JAKMIP3: variants seen among roughly 807,000 people sequenced by gnomAD.
JAKMIP3 encodes janus kinase and microtubule-interacting protein 3.
A neutral mutation model predicts 118.5 loss-of-function variants in JAKMIP3; 58 were observed. The ratio of observed to expected loss-of-function variants is 0.49; its 90% CI spans 0.40 to 0.61. JAKMIP3 has a LOEUF of 0.61. JAKMIP3 is among the 20% of genes least tolerant of loss of function. The pLI is 0.00. For synonymous variants in JAKMIP3, 486 were observed against 451.2 expected (o/e 1.08, Z -0.98); for missense variants, 950 against 1,109.0 (o/e 0.86, Z 2.04).
chr10:132,053,008 T>C (rs748978605), intron 1 of JAKMIP3, among the ~76,000 whole-genome samples: 9 of 152,256 alleles, frequency 5.9e-5, no homozygotes, highest in Admixed American at 2.6e-4. Context: ...CTGTTTCTCA[T>C]GTGCCTTGTT....
chr10:132,098,770 G>GA (rs1427693419), intron 1 of JAKMIP3, among the ~76,000 whole-genome samples: 1 of 152,180 alleles, frequency 6.6e-6, no homozygotes, highest in African/African-American at 2.4e-5. Context: ...TTGCAGTGAG[G>GA]AGGGGGCTCT....
chr10:132,115,926 G>A (rs372655628), intron 2 of JAKMIP3, among the ~76,000 whole-genome samples: 3 of 152,228 alleles, frequency 2.0e-5, no homozygotes, highest in African/African-American at 4.8e-5. Context: ...AGCCATAAGC[G>A]GGCATTGGGC....
chr10:132,111,818 A>G (rs2046930358), intron 2 of JAKMIP3, among the ~76,000 whole-genome samples: 1 of 152,048 alleles, frequency 6.6e-6, no homozygotes, highest in African/African-American at 2.4e-5. Context: ...TGTTAAACAT[A>G]CCCTCTGGCT....
At chr10:132,159,544 CT>C (rs2057637350) in intron 19 of JAKMIP3, among the ~76,000 whole-genome samples, 1 of 114,512 alleles carries the variant, frequency 8.7e-6, no homozygotes, top group Non-Finnish European at 1.8e-5. Flanking sequence ...CTGGGAGGGT[CT>C]CTCCCTGTGT....
At chr10:132,109,036 A>G (rs989630276) in intron 2 of JAKMIP3, among the ~76,000 whole-genome samples, 1 of 143,520 alleles carries the variant, frequency 7.0e-6, no homozygotes, top group Non-Finnish European at 1.5e-5. Context: ...TTATATATGT[A>G]TATATATACA....
rs560920626 is a variant in JAKMIP3, at chr10:132,117,851, C to G, written c.633+277C>G. Reference sequence around the variant, plus strand: ...CTCACCTCCCCTTTTCCACAAACACCAGCTCTACTTCCTTTCTTAACTTGG... The same window carrying G: ...CTCACCTCCCCTTTTCCACAAACACGAGCTCTACTTCCTTTCTTAACTTGG... On this transcript the variant is annotated intron_variant, in intron 3 of 23. Coordinates refer to ENST00000684848, the MANE Select transcript of JAKMIP3 (RefSeq NM_001323087.2). The surrounding 1 kb of genome is among the most constrained non-coding windows in gnomAD (Gnocchi z 8.6). 1.1e-4 allele frequency among the ~76,000 whole-genome samples: 17 copies of G among 152,172 alleles called. No homozygotes were observed. The highest frequency in any genetic ancestry group is 1.6e-4 in the Non-Finnish European group (11 of 68,038).
upstream of JAKMIP3, among the ~76,000 whole-genome samples, chr10:132,065,501 C>A (rs555315978): frequency 6.6e-6 from 1 of 152,028 alleles, no homozygotes; most frequent in South Asian, 2.1e-4. The surrounding 1 kb of genome is among the most constrained non-coding windows in gnomAD (Gnocchi z 5.6). Flanking sequence ...GGAGGGAAAG[C>A]CGGCCAGAAC....
Position 132,118,566 on chromosome 10 carries a change from C to T in JAKMIP3, c.633+992C>T, listed in dbSNP as rs1217991242. 6.6e-6 allele frequency among the ~76,000 whole-genome samples: 1 copy of T among 152,200 alleles called. No individual in the cohort carries two copies. Among genetic ancestry groups the T allele is most frequent in the Non-Finnish European group, 1.5e-5 (1 of 68,024 alleles). ...AGGGATGGCCTCCAGGCTGGGCCAG[C>T]ATGTGGAACTCCCAGAGAGGGGCAG... On this transcript the variant is annotated intron_variant, in intron 3 of 23. Coordinates refer to ENST00000684848, the MANE Select transcript of JAKMIP3 (RefSeq NM_001323087.2). This position sits in a 1 kb window ranked among gnomAD's most constrained non-coding sequence, Gnocchi z 4.8.
chr10:132,135,028 A>AT lies in JAKMIP3; in HGVS notation c.850-8dup. 1 of 1,611,700 alleles carries AT rather than the reference A, an allele frequency of 6.2e-7. No homozygotes were observed. Among genetic ancestry groups the AT allele is most frequent in the Non-Finnish European group, 8.5e-7 (1 of 1,177,944 alleles). ...GGGTAGGAACCGTTATTTGCAGTTG[A>AT]TTTTTGTTTTAGGAACAGCAGTTGG... On this transcript the variant is annotated splice_polypyrimidine_tract_variant and intron_variant, in intron 4 of 23. Transcript: ENST00000684848.
chr10:132,105,268 C>G (rs55718811), intron 2 of JAKMIP3, among the ~76,000 whole-genome samples: 33,986 of 152,218 alleles, frequency 0.22, 4,292 homozygotes, highest in African/African-American at 0.35. Context: ...CTGGAAAGGA[C>G]GCTGACTTTC....
At chr10:132,150,769 C>T (rs1051316651) in intron 16 of JAKMIP3, among the ~76,000 whole-genome samples, 1 of 152,094 alleles carries the variant, frequency 6.6e-6, no homozygotes, top group African/African-American at 2.4e-5. Flanking sequence ...CTCCATAATC[C>T]ATGTATCCGT....
At chr10:132,125,369 A>G (rs566773933) in intron 3 of JAKMIP3, among the ~76,000 whole-genome samples, 6 of 152,262 alleles carry the variant, frequency 3.9e-5, no homozygotes, top group Admixed American at 6.5e-5. Flanking sequence ...TTGGTCGTGC[A>G]TCAAGTGAGC....
In JAKMIP3 at chr10:132,058,649, C is replaced by T. The variant is rs542603426; in HGVS notation, c.-138+21911C>T. On this transcript the variant is annotated intron_variant, in intron 1 of 23. Transcript: ENST00000657785. Reference sequence around the variant, plus strand: ...ATTTTCATGTGTCATTCTGGTTACACGTGTGTGAGGATCAAAAAAGTCAGT... The same window carrying T: ...ATTTTCATGTGTCATTCTGGTTACATGTGTGTGAGGATCAAAAAAGTCAGT... Among the ~76,000 whole-genome samples the T allele has an allele frequency of 3.9e-5, 6 of 152,302 alleles. No individual in the cohort carries two copies. The South Asian group carries it at 8.3e-4, about 21-fold the overall frequency.
Position 132,133,371 on chromosome 10 carries a change from T to C in JAKMIP3, c.693T>C (p.Val231=). The C allele has an allele frequency of 6.2e-7, 1 of 1,603,148 alleles. No homozygotes were observed. ...TCGTGCTGGAGAGAGAGTTAGGGGT[T>C]CAAGCCGGGCATGCTCAGAGACTGC... The part of the protein sequence containing the change: ...AVFVLERELG[V]QAGHAQRLQL... Residue 231 remains valine, a synonymous_variant, in exon 4 of 24, where the codon GTT becomes GTC. Coordinates refer to ENST00000684848, the MANE Select transcript of JAKMIP3 (RefSeq NM_001323087.2).
At position 132,180,654 on chromosome 10, in the gene JAKMIP3, TGTGCGTGTGTGCGTGTGTGTGCGCGCGC is replaced by T. The variant is rs2060972174; in HGVS notation, c.*1104-1699_*1104-1672del. 2.5e-4 allele frequency among the ~76,000 whole-genome samples: 6 copies of T among 24,308 alleles called. 1 individual carries two copies. The highest frequency in any genetic ancestry group is 4.6e-4 in the Admixed American group (1 of 2,190). The allele number at this position is 24,308 out of a possible 152,430, so 15.9% of individuals were successfully genotyped here. A position where few individuals can be genotyped will look rare whatever the true frequency, so the allele number is the denominator to read the frequency against. On this transcript the variant is annotated intron_variant, in intron 23 of 23. Coordinates refer to ENST00000684848, the MANE Select transcript of JAKMIP3 (RefSeq NM_001323087.2). ...GTGTGCGTGCGTGTGTGCGTGTGCGTGTGCGTGTGTGCGTGTGTGTGCGCGCGCGTGTGTGTGCGTGCGTGTGTGTGTG... is the reference window on the plus strand; with the variant it reads ...GTGTGCGTGCGTGTGTGCGTGTGCGTGTGTGTGTGCGTGCGTGTGTGTGTG...
rs982881908 is a variant in JAKMIP3 at position 132,182,809 on chromosome 10, G to T, written c.*1556G>T. ...CTGACTTTGGGGCAGATGACACGGT[G>T]GCTGCGGACCAGGCATGGCTCCCTA... On this transcript the variant is annotated 3_prime_UTR_variant, in exon 24 of 24. Coordinates refer to ENST00000684848, the MANE Select transcript of JAKMIP3 (RefSeq NM_001323087.2). The T allele has an allele frequency of 6.6e-5, 10 of 152,216 alleles. No individual in the cohort carries two copies. Among genetic ancestry groups the T allele is most frequent in the Non-Finnish European group, 1.3e-4 (9 of 68,048 alleles). The allele number at this position is 152,216 out of a possible 1,614,324, so 9.4% of individuals were successfully genotyped here.
chr10:132,171,076 A>G (rs2059440254), intron 23 of JAKMIP3, among the ~76,000 whole-genome samples: 1 of 152,208 alleles, frequency 6.6e-6, no homozygotes, highest in South Asian at 2.1e-4. Context: ...TGCCTTCTTG[A>G]GCATGTTCAG....
chr10:132,089,144 TG>T (rs2042795248), intron 1 of JAKMIP3, among the ~76,000 whole-genome samples: 2 of 152,234 alleles, frequency 1.3e-5, no homozygotes, highest in Non-Finnish European at 2.9e-5. Flanking sequence ...AGTAGTGTGA[TG>T]CCTCCAGCTT....
intron 2 of JAKMIP3, 28 bp downstream of exon 2, chr10:132,104,971 G>A (rs2134931915): frequency 6.4e-7 from 1 of 1,569,586 alleles, no homozygotes; most frequent in Non-Finnish European, 8.6e-7. Flanking sequence ...CTCCACCCTT[G>A]AATGTCCCTC....
Sources: gnomAD v4.1 joint callset for allele counts (sites outside exome capture counted in the v4.1 genomes callset) on GRCh38, gnomAD v4.1.1 for gene constraint, Gnocchi (gnomAD v3.1) non-coding constraint, MANE v1.5 for transcripts, NCBI Gene and HGNC (gene_info 2026-07-23, HGNC 2026-07-21) for gene names.